Variants in MAGI1 observed in about 807,000 individuals in gnomAD.
The protein encoded by MAGI1 is membrane-associated guanylate kinase, WW and PDZ domain-containing protein 1.
MAGI1 carries 58 observed loss-of-function variants against 139.9 expected under a neutral mutation model. That is an observed-to-expected ratio of 0.41 (90% CI 0.34 to 0.52). The LOEUF is 0.52. MAGI1 is among the 20% of genes least tolerant of loss of function. The probability of loss-of-function intolerance (pLI) is 0.12; values close to 1 mark genes in which losing one functional copy is unlikely to be tolerated. For missense variants in MAGI1, 1,874 were observed against 1,901.6 expected, an observed-to-expected ratio of 0.99 and a Z score of 0.27; for synonymous variants, 812 against 737.9, an observed-to-expected ratio of 1.10 and a Z score of -1.63.
intron 1 of MAGI1, among the ~76,000 whole-genome samples, chr3:65,802,092 C>T (rs944895260): frequency 3.3e-5 from 5 of 152,130 alleles, no homozygotes; most frequent in African/African-American, 1.2e-4. Context: ...ACTCAACCTC[C>T]TGGAAAATTT....
chr3:65,390,726 A>G lies in MAGI1; in HGVS notation c.2416+416T>C, dbSNP rs9863392. On this transcript the variant is annotated intron_variant, in intron 14 of 22. Transcript: ENST00000402939. The stretch of plus-strand genomic sequence containing the variant: ...TACCAGTATTTTTAAAAATCAAGAG[A>G]CCACTTAAAAAGCATTTAATTTCTT... 2.4e-3 allele frequency among the ~76,000 whole-genome samples: 368 copies of G among 152,268 alleles called. 2 individuals carry two copies. The highest frequency in any genetic ancestry group is 8.5e-3 in the African/African-American group (354 of 41,550).
intron 1 of MAGI1, among the ~76,000 whole-genome samples, chr3:65,729,125 G>T (rs1036311704): frequency 0.036 from 2,574 of 70,578 alleles, 329 homozygotes; most frequent in African/African-American, 0.17. Context: ...TGGAACGGGG[G>T]GGGGGGGGGG....
At chr3:65,923,058 G>A (rs750307496) in intron 1 of MAGI1, among the ~76,000 whole-genome samples, 56 of 152,074 alleles carry the variant, frequency 3.7e-4, no homozygotes, top group Admixed American at 5.9e-4. Flanking sequence ...GATAAAATTT[G>A]ATTATTCCAT....
intron 1 of MAGI1, among the ~76,000 whole-genome samples, chr3:65,823,800 C>T (rs778790170): frequency 6.6e-6 from 1 of 152,258 alleles, no homozygotes; most frequent in East Asian, 1.9e-4. Context: ...GAGGATGCTT[C>T]GTATAAGCAC....
At chr3:65,596,397 A>G (rs2082199969) in intron 2 of MAGI1, among the ~76,000 whole-genome samples, 1 of 152,160 alleles carries the variant, frequency 6.6e-6, no homozygotes, top group Non-Finnish European at 1.5e-5. Flanking sequence ...AACAAACAAC[A>G]CTATAAACCA....
intron 1 of MAGI1, among the ~76,000 whole-genome samples, chr3:65,635,382 A>T (rs2084552602): frequency 6.6e-6 from 1 of 152,168 alleles, no homozygotes; most frequent in Non-Finnish European, 1.5e-5. Flanking sequence ...TTTTAAAAGC[A>T]GTTACAGTCA....
rs149686677 is a variant in MAGI1, at chr3:65,484,694, A to C, written c.551-5896T>G. Among the ~76,000 whole-genome samples, 113 of 151,662 alleles carry C rather than the reference A, an allele frequency of 7.5e-4. No individual in the cohort carries two copies. The East Asian group carries it at 0.021, about 29-fold the overall frequency. ...GTTGCCTTTCAGCCCCCAGCATGTA[A>C]ACTGTGCCCCCTTCCCCCATCTCAC... On this transcript the variant is annotated intron_variant, in intron 3 of 22. Transcript: ENST00000402939.
intron 1 of MAGI1, among the ~76,000 whole-genome samples, chr3:65,787,419 A>C (rs909384680): frequency 7.2e-5 from 11 of 151,786 alleles, no homozygotes; most frequent in Non-Finnish European, 7.4e-5. Context: ...TGTCAAAACA[A>C]AGATGTTATG....
At chr3:65,368,011 A>T (rs1156950950) in intron 18 of MAGI1, among the ~76,000 whole-genome samples, 1 of 152,210 alleles carries the variant, frequency 6.6e-6, no homozygotes, top group Non-Finnish European at 1.5e-5. Flanking sequence ...CTATCAATAA[A>T]GTTATGCTTG....
intron 1 of MAGI1, among the ~76,000 whole-genome samples, chr3:65,765,676 G>A (rs1189566725): frequency 6.6e-6 from 1 of 152,126 alleles, no homozygotes; most frequent in Admixed American, 6.5e-5. Context: ...AGGCTGTATG[G>A]CCTTTTGGAA....
At chr3:65,781,893 GA>G (rs67323314) in intron 1 of MAGI1, among the ~76,000 whole-genome samples, 69,798 of 151,808 alleles carry the variant, frequency 0.46, 16,576 homozygotes, top group Non-Finnish European at 0.54. Context: ...TCTGACTGGG[GA>G]ACCCCCCCTC....
chr3:66,015,608 T>G (rs186220737), intron 1 of MAGI1, among the ~76,000 whole-genome samples: 1 of 152,232 alleles, frequency 6.6e-6, no homozygotes, highest in Non-Finnish European at 1.5e-5. Flanking sequence ...AAGGGGTACA[T>G]ATATGCTAGA....
intron 2 of MAGI1, among the ~76,000 whole-genome samples, chr3:65,593,310 T>C (rs2106763594): frequency 6.6e-6 from 1 of 152,324 alleles, no homozygotes; most frequent in South Asian, 2.1e-4. Flanking sequence ...TTTGTCAAAT[T>C]TGTAGATTCC....
Position 65,463,624 on chromosome 3 carries a change from G to T in MAGI1, c.959+6659C>A, listed in dbSNP as rs988428588. Among the ~76,000 whole-genome samples the T allele has an allele frequency of 1.4e-5, 2 of 141,272 alleles. 1 individual carries two copies. The highest frequency in any genetic ancestry group is 1.5e-4 in the Admixed American group (2 of 13,692). The allele number at this position is 141,272 out of a possible 152,430, so 92.7% of individuals were successfully genotyped here. ...TGTGTCTGCCAGGTTTTGGTATCAGGATGATGCTGGCCTCACAAAAAGAGT... is the reference window on the plus strand; with the variant it reads ...TGTGTCTGCCAGGTTTTGGTATCAGTATGATGCTGGCCTCACAAAAAGAGT... On this transcript the variant is annotated intron_variant, in intron 5 of 22. Transcript: ENST00000402939.
intron 1 of MAGI1, among the ~76,000 whole-genome samples, chr3:65,717,279 C>T (rs2107672633): frequency 6.6e-6 from 1 of 152,166 alleles, no homozygotes; most frequent in Admixed American, 6.5e-5. Flanking sequence ...CAGTTTTGTC[C>T]CTTAGGAAAC....
chr3:65,708,283 C>T (rs1189517000), intron 1 of MAGI1, among the ~76,000 whole-genome samples: 3 of 152,100 alleles, frequency 2.0e-5, no homozygotes, highest in Admixed American at 6.5e-5. Context: ...TGGTAGTAAA[C>T]GCCAAAAGAA....
At chr3:65,824,638 G>A (rs2042127491) in intron 1 of MAGI1, among the ~76,000 whole-genome samples, 1 of 152,176 alleles carries the variant, frequency 6.6e-6, no homozygotes, top group Non-Finnish European at 1.5e-5. Context: ...ATGAATTCAT[G>A]AATTGAACAA....
rs147708389 is a variant in MAGI1 at position 65,633,307 on chromosome 3, C to T, written c.314-11219G>A. Reference sequence around the variant, plus strand: ...ACACATGCAGAGATGGAAGCTATTCCCCGAGTGGTACAAAGACTATTGTTC... The same window carrying T: ...ACACATGCAGAGATGGAAGCTATTCTCCGAGTGGTACAAAGACTATTGTTC... On this transcript the variant is annotated intron_variant, in intron 1 of 22. Coordinates refer to ENST00000402939, the MANE Select transcript of MAGI1 (RefSeq NM_001033057.2). 6.0e-3 allele frequency among the ~76,000 whole-genome samples: 919 copies of T among 152,176 alleles called. 14 individuals carry two copies. Among genetic ancestry groups the T allele is most frequent in the African/African-American group, 0.021 (884 of 41,530 alleles).
At chr3:65,440,839 A>G (rs1481236291) in intron 8 of MAGI1, among the ~76,000 whole-genome samples, 1 of 72,292 alleles carries the variant, frequency 1.4e-5, no homozygotes, top group South Asian at 5.8e-4. Flanking sequence ...ATACATATAC[A>G]TATATACATA....
Sources: gnomAD v4.1 joint callset for allele counts (sites outside exome capture counted in the v4.1 genomes callset) on GRCh38, gnomAD v4.1.1 for gene constraint, MANE v1.5 for transcripts, NCBI Gene and HGNC (gene_info 2026-07-23, HGNC 2026-07-21) for gene names.